The following FNDC1 variants were observed in gnomAD, a reference collection of about 807,000 sequenced individuals.
The protein encoded by FNDC1 is fibronectin type III domain-containing protein 1.
A neutral mutation model predicts 168.0 loss-of-function variants in FNDC1; 96 were observed. The ratio of observed to expected loss-of-function variants is 0.57; its 90% CI spans 0.48 to 0.68. The LOEUF (loss-of-function observed/expected upper bound fraction) is 0.68. Ranked by LOEUF, FNDC1 falls within the 30% of genes least tolerant of loss-of-function variation. The pLI is 0.00. For missense variants in FNDC1, 2,587 were observed against 2,482.1 expected, an observed-to-expected ratio of 1.04 and a Z score of -0.90; for synonymous variants, 1,099 against 1,025.9, an observed-to-expected ratio of 1.07 and a Z score of -1.36.
At chr6:159,242,668 C>T (rs1783450554) in intron 14 of FNDC1, among the ~76,000 whole-genome samples, 2 of 152,096 alleles carry the variant, frequency 1.3e-5, no homozygotes, top group Admixed American at 1.3e-4. Flanking sequence ...CCAGGAGAAA[C>T]TCCGTACTCA....
chr6:159,254,960 T>C (rs2115019459), intron 17 of FNDC1, among the ~76,000 whole-genome samples: 1 of 152,316 alleles, frequency 6.6e-6, no homozygotes, highest in South Asian at 2.1e-4. Flanking sequence ...TTAGATGCTG[T>C]GCTCATCTAA....
intron 4 of FNDC1, among the ~76,000 whole-genome samples, chr6:159,211,558 C>A (rs1303930494): frequency 6.6e-6 from 1 of 152,038 alleles, no homozygotes; most frequent in Non-Finnish European, 1.5e-5. Flanking sequence ...ACATTTGGTT[C>A]TTTGAAACAT....
At chr6:159,188,849 G>T (rs1222005602) in intron 1 of FNDC1, among the ~76,000 whole-genome samples, 1 of 151,086 alleles carries the variant, frequency 6.6e-6, no homozygotes, top group Non-Finnish European at 1.5e-5. Flanking sequence ...CCAGGTTCAA[G>T]CGATTATCCT....
rs570920141 is a variant in FNDC1 at position 159,196,280 on chromosome 6, C to A, written c.110-1151C>A. 3.9e-5 allele frequency among the ~76,000 whole-genome samples: 6 copies of A among 152,300 alleles called. No individual in the cohort carries two copies. The East Asian group carries it at 1.2e-3, about 29-fold the overall frequency. On this transcript the variant is annotated intron_variant, in intron 1 of 22. Coordinates refer to ENST00000297267, the MANE Select transcript of FNDC1 (RefSeq NM_032532.3). ...TCTGTCTCCAGAATAGACATTCTTT[C>A]TCTAACGCTTCAAAATCCTCAAATT... is the stretch of plus-strand genomic sequence containing the variant.
At chr6:159,185,633 C>A (rs1266335132) in intron 1 of FNDC1, among the ~76,000 whole-genome samples, 1 of 152,162 alleles carries the variant, frequency 6.6e-6, no homozygotes, top group Non-Finnish European at 1.5e-5. Flanking sequence ...AGCTGCATCA[C>A]CAGGTATCAT....
chr6:159,232,882 T>G lies in FNDC1; in HGVS notation c.2370T>G (p.Gly790=), dbSNP rs1202242339. ...AGGCTTCTGATGGTGAAAGCCACGG[T>G]GACGGCGATAGGGAAGACGGCGGAA... ...GAEASDGESH[G]DGDREDGGRQ... is the part of the protein sequence containing the mutation. The change falls in exon 11 of 23, where the codon GGT becomes GGG. Residue 790 remains glycine, a synonymous_variant. Coordinates refer to ENST00000297267, the MANE Select transcript of FNDC1 (RefSeq NM_032532.3). This position sits in a 1 kb window ranked among gnomAD's most constrained non-coding sequence, Gnocchi z 4.9. The G allele has an allele frequency of 6.2e-7, 1 of 1,613,248 alleles. No homozygotes were observed. The highest frequency in any genetic ancestry group is 1.3e-5 in the African/African-American group (1 of 74,936).
At chr6:159,212,596 G>A (rs1463309558) in intron 4 of FNDC1, among the ~76,000 whole-genome samples, 1 of 152,174 alleles carries the variant, frequency 6.6e-6, no homozygotes, top group Non-Finnish European at 1.5e-5. Flanking sequence ...TGTTTAGAGG[G>A]AGGACATTCT....
chr6:159,232,353 C>G lies in FNDC1; in HGVS notation c.1841C>G (p.Pro614Arg). Residue 614 changes from proline (P) to arginine (R), a missense_variant, in exon 11 of 23, where the codon CCC becomes CGC. Pro to Arg is a moderately radical substitution (Grantham distance 103). Coordinates refer to ENST00000297267, the MANE Select transcript of FNDC1 (RefSeq NM_032532.3). This position sits in a 1 kb window ranked among gnomAD's most constrained non-coding sequence, Gnocchi z 4.9. ...LATQPRPGAPPSASASPAHHA... is the reference protein window; with the variant it reads ...LATQPRPGAPRSASASPAHHA... ...ACGCAGCCCCGCCCAGGGGCGCCCCCCTCGGCTTCGGCCTCTCCTGCCCAC... is the reference window on the plus strand; with the variant it reads ...ACGCAGCCCCGCCCAGGGGCGCCCCGCTCGGCTTCGGCCTCTCCTGCCCAC... The G allele has an allele frequency of 1.2e-6, 2 of 1,613,602 alleles. No homozygotes were observed. The highest frequency in any genetic ancestry group is 1.1e-5 in the South Asian group (1 of 91,038).
intron 18 of FNDC1, among the ~76,000 whole-genome samples, chr6:159,257,569 C>T (rs1045037330): frequency 1.8e-4 from 28 of 152,054 alleles, no homozygotes; most frequent in African/African-American, 6.8e-4. Context: ...CTACACAGGC[C>T]GAGGAACATG....
chr6:159,256,377 C>T lies in FNDC1; in HGVS notation c.5066-146C>T, dbSNP rs529990044. 1.4e-5 allele frequency: 9 copies of T among 650,712 alleles called. No individual in the cohort carries two copies. The Admixed American group carries it at 2.0e-4, about 14-fold the overall frequency. The allele number at this position is 650,712 out of a possible 1,614,324, so 40.3% of individuals were successfully genotyped here. A position where few individuals can be genotyped will look rare whatever the true frequency, so the allele number is the denominator to read the frequency against. On this transcript the variant is annotated intron_variant, in intron 17 of 22. Transcript: ENST00000297267. ...GTACCAGTGTTACATCCCATCCTGT[C>T]CCACAGTGCCGCGTGCCCTCCTTCC...
intron 5 of FNDC1, chr6:159,218,540 G>C (rs391128): frequency 0.46 from 70,328 of 151,972 alleles, 17,815 homozygotes; most frequent in East Asian, 0.67. Context: ...GCCTGTCTAC[G>C]CACTTATCCT....
intron 19 of FNDC1, among the ~76,000 whole-genome samples, chr6:159,261,524 A>G (rs1015095803): frequency 1.3e-5 from 2 of 152,208 alleles, no homozygotes; most frequent in Non-Finnish European, 2.9e-5. Context: ...CTAGATTTCA[A>G]CAACATGAGA....
chr6:159,237,135 A>G (rs887125008), intron 12 of FNDC1, among the ~76,000 whole-genome samples: 1 of 152,262 alleles, frequency 6.6e-6, no homozygotes, highest in African/African-American at 2.4e-5. Flanking sequence ...TTATAGTAGG[A>G]AGAATGCACA....
chr6:159,255,511 G>A (rs1178793073), intron 17 of FNDC1, among the ~76,000 whole-genome samples: 2 of 152,154 alleles, frequency 1.3e-5, no homozygotes, highest in African/African-American at 4.8e-5. Context: ...TGCACCCTGC[G>A]GCTTCATGAG....
intron 11 of FNDC1, among the ~76,000 whole-genome samples, chr6:159,235,024 C>G (rs4585586): frequency 6.6e-6 from 1 of 152,212 alleles, no homozygotes; most frequent in African/African-American, 2.4e-5. Flanking sequence ...CAAACAAACC[C>G]TGAGACAAAC....
rs769018861 is a variant in FNDC1, at chr6:159,234,329, G to A, written c.3817G>A (p.Ala1273Thr). The A allele has an allele frequency of 2.5e-6, 4 of 1,610,448 alleles. No homozygotes were observed. The Admixed American group carries it at 5.0e-5, about 20-fold the overall frequency. The change falls in exon 11 of 23, where the codon GCG (alanine) becomes ACG (threonine). Residue 1273 changes from alanine to threonine, a missense_variant. Coordinates refer to ENST00000297267, the MANE Select transcript of FNDC1 (RefSeq NM_032532.3). Reference sequence around the variant, plus strand: ...CAGCGCTGCCACCGTGAGCCCCGTCGCGGGCACCCACCCCTGGCCGCAGTA... The same window carrying A: ...CAGCGCTGCCACCGTGAGCCCCGTCACGGGCACCCACCCCTGGCCGCAGTA... ...PRSAATVSPV[A>T]GTHPWPQYTT...
intron 4 of FNDC1, among the ~76,000 whole-genome samples, chr6:159,213,549 C>T (rs1169917107): frequency 5.3e-5 from 8 of 152,124 alleles, no homozygotes; most frequent in Non-Finnish European, 7.3e-5. Context: ...CCCAGACACA[C>T]GGCTGGGAAG....
intron 10 of FNDC1, among the ~76,000 whole-genome samples, chr6:159,231,458 G>C (rs922428928): frequency 6.6e-6 from 1 of 152,132 alleles, no homozygotes; most frequent in Admixed American, 6.5e-5. Flanking sequence ...TCAGCAATTT[G>C]CACCAGGTGT....
At chr6:159,257,534 G>C (rs193302362) in intron 18 of FNDC1, among the ~76,000 whole-genome samples, 2 of 152,130 alleles carry the variant, frequency 1.3e-5, no homozygotes, top group South Asian at 4.2e-4. Context: ...AGTGAGGTGA[G>C]GGTGCACCCA....
Sources: gnomAD v4.1 joint callset for allele counts (sites outside exome capture counted in the v4.1 genomes callset) on GRCh38, gnomAD v4.1.1 for gene constraint, Gnocchi (gnomAD v3.1) non-coding constraint, MANE v1.5 for transcripts, NCBI Gene and HGNC (gene_info 2026-07-23, HGNC 2026-07-21) for gene names.